Variants in SERPINB7 observed in about 807,000 individuals in gnomAD.
The protein encoded by SERPINB7 is serpin B7.
In SERPINB7, 31 loss-of-function variants were observed where a neutral mutation model predicts 37.4. The observed-to-expected ratio is 0.83, with a 90% confidence interval of 0.62 to 1.12. The LOEUF is 1.12. Ranked by LOEUF, SERPINB7 falls within the 50% of genes most tolerant of loss-of-function variation. The pLI is 0.00. For missense variants in SERPINB7, 521 were observed against 455.3 expected (o/e 1.14, Z -1.31); for synonymous variants, 163 against 166.1 (o/e 0.98, Z 0.14).
intron 1 of SERPINB7, among the ~76,000 whole-genome samples, chr18:63,766,628 T>G (rs751776869): frequency 3.3e-5 from 5 of 152,114 alleles, no homozygotes; most frequent in Admixed American, 6.6e-5. Flanking sequence ...GAAATTGTCT[T>G]TCTCTTTCTC....
chr18:63,786,129 G>GTATATATGTATA lies in SERPINB7; in HGVS notation c.168+3595_168+3596insTGTATATATATA, dbSNP rs1568209419. On this transcript the variant is annotated intron_variant, in intron 2 of 7. Transcript: ENST00000398019. ...TATATGTATATATGTATATATATACGTATATACATATATACACACACACAC... is the reference window on the plus strand; with the variant it reads ...TATATGTATATATGTATATATATACGTATATATGTATATATATACATATATACACACACACAC... 3.5e-4 allele frequency among the ~76,000 whole-genome samples: 38 copies of GTATATATGTATA among 109,722 alleles called. 5 individuals carry two copies. The highest frequency in any genetic ancestry group is 1.4e-3 in the African/African-American group (37 of 27,102). The allele number at this position is 109,722 out of a possible 152,430, so 72.0% of individuals were successfully genotyped here. A position where few individuals can be genotyped will look rare whatever the true frequency, so the allele number is the denominator to read the frequency against.
chr18:63,766,167 A>G (rs1196366416), intron 1 of SERPINB7, among the ~76,000 whole-genome samples: 2 of 152,010 alleles, frequency 1.3e-5, no homozygotes, highest in Admixed American at 6.6e-5. Flanking sequence ...TTGCATGACT[A>G]TTTGTCAGAA....
intron 7 of SERPINB7, 46 bp downstream of exon 7, chr18:63,801,058 G>T: frequency 6.3e-7 from 1 of 1,587,890 alleles, no homozygotes; most frequent in Non-Finnish European, 8.6e-7. Flanking sequence ...AAGACTTTTA[G>T]GATACTGTTG....
At position 63,796,383 on chromosome 18, in the gene SERPINB7, GGTGA is replaced by G; in HGVS notation, c.454+3_454+6del. ...TAAGTGGGTTGAAAATGAAACACAT[GGTGA>G]GTATTGAAATACCCTATTTTTCTAC... On this transcript the variant is annotated splice_donor_variant and splice_donor_region_variant and intron_variant, in intron 5 of 7. Transcript: ENST00000398019. LOFTEE classifies it high-confidence loss of function. 6.7e-7 allele frequency: 1 copy of G among 1,491,928 alleles called. No individual in the cohort carries two copies. Among genetic ancestry groups the G allele is most frequent in the Non-Finnish European group, 9.3e-7 (1 of 1,069,742 alleles). 92.4% of individuals were successfully genotyped at this position (1,491,928 alleles called of 1,614,324 possible).
intron 1 of SERPINB7, among the ~76,000 whole-genome samples, chr18:63,776,629 TG>T (rs1328684993): frequency 6.7e-6 from 1 of 149,546 alleles, no homozygotes; most frequent in Non-Finnish European, 1.5e-5. Flanking sequence ...GCATAGTTTT[TG>T]GGTATACTAG....
At chr18:63,794,774 A>G (rs1157450231) in intron 4 of SERPINB7, among the ~76,000 whole-genome samples, 1 of 152,198 alleles carries the variant, frequency 6.6e-6, no homozygotes, top group Non-Finnish European at 1.5e-5. Flanking sequence ...GTGTGGATGG[A>G]AGAATGAATT....
intron 1 of SERPINB7, among the ~76,000 whole-genome samples, chr18:63,755,312 T>C (rs1387646546): frequency 6.6e-6 from 1 of 152,240 alleles, no homozygotes; most frequent in African/African-American, 2.4e-5. Context: ...TTTTCATGGA[T>C]TCTTTTCATT....
At chr18:63,798,889 TGC>T in intron 6 of SERPINB7, 143 bp downstream of exon 6, 2 of 844,974 alleles carry the variant, frequency 2.4e-6, no homozygotes, top group Non-Finnish European at 3.6e-6. Flanking sequence ...TATGGTCAGT[TGC>T]TTTATAAAGC....
At position 63,790,478 on chromosome 18, in the gene SERPINB7, A is replaced by C. The variant is rs2049415646; in HGVS notation, c.169-1915A>C. Among the ~76,000 whole-genome samples the C allele has an allele frequency of 2.0e-5, 3 of 152,246 alleles. No homozygotes were observed. In the South Asian group the frequency reaches 6.2e-4, roughly 32 times the overall value. ...CCTCTATCAGACTAATATGGTCAAA[A>C]TTATGCCTGATACACAAAATATAGT... On this transcript the variant is annotated intron_variant, in intron 2 of 7. Transcript: ENST00000398019.
At chr18:63,777,905 C>A (rs1156240684) in intron 1 of SERPINB7, 1 of 149,912 alleles carries the variant, frequency 6.7e-6, no homozygotes, top group African/African-American at 2.5e-5. Context: ...CACACACACA[C>A]ACACACACAC....
In SERPINB7 at chr18:63,759,415, C is replaced by T. The variant is rs578211562; in HGVS notation, c.-19+6295C>T. Reference sequence around the variant, plus strand: ...ACAAAGGAGCTTAACTGAGAGCACACAGGCCTCTCTGGGTGCATATGTAGG... The same window carrying T: ...ACAAAGGAGCTTAACTGAGAGCACATAGGCCTCTCTGGGTGCATATGTAGG... On this transcript the variant is annotated intron_variant, in intron 1 of 7. Transcript: ENST00000336429. 3.9e-4 allele frequency among the ~76,000 whole-genome samples: 59 copies of T among 152,336 alleles called. 1 individual carries two copies. The highest frequency in any genetic ancestry group is 1.4e-3 in the African/African-American group (58 of 41,580).
intron 2 of SERPINB7, among the ~76,000 whole-genome samples, chr18:63,789,354 C>G (rs1432327684): frequency 6.6e-6 from 1 of 152,046 alleles, no homozygotes; most frequent in African/African-American, 2.4e-5. Context: ...TTTTGGGAGC[C>G]CTGAGAGACA....
chr18:63,788,914 A>G (rs895326310), intron 2 of SERPINB7, among the ~76,000 whole-genome samples: 1 of 152,222 alleles, frequency 6.6e-6, no homozygotes, highest in Admixed American at 6.5e-5. Context: ...CTAGGTTTGC[A>G]TGAGTACACA....
In SERPINB7 at chr18:63,804,522, A is replaced by G; in HGVS notation, c.1030A>G (p.Ile344Val). 1 of 1,613,830 alleles carries G rather than the reference A, an allele frequency of 6.2e-7. No individual in the cohort carries two copies. The highest frequency in any genetic ancestry group is 8.5e-7 in the Non-Finnish European group (1 of 1,179,876). Reference protein sequence around the residue: ...TEATAATGSNIVEKQLPQSTL... With the variant: ...TEATAATGSNVVEKQLPQSTL... Reference sequence around the variant, plus strand: ...GGCTACTGCTGCCACAGGAAGTAATATTGTAGAAAAGCAACTCCCTCAGTC... The same window carrying G: ...GGCTACTGCTGCCACAGGAAGTAATGTTGTAGAAAAGCAACTCCCTCAGTC... The change falls in exon 8 of 8, where the codon ATT becomes GTT. Residue 344 changes from isoleucine (I) to valine (V), a missense_variant. Transcript: ENST00000398019.
chr18:63,769,535 T>C (rs181747759), intron 1 of SERPINB7, among the ~76,000 whole-genome samples: 14 of 152,296 alleles, frequency 9.2e-5, no homozygotes, highest in African/African-American at 2.9e-4. Flanking sequence ...TTTTGTATTA[T>C]GTCCTGGACA....
chr18:63,789,560 G>A (rs765328495), intron 2 of SERPINB7, among the ~76,000 whole-genome samples: 4 of 152,022 alleles, frequency 2.6e-5, no homozygotes, highest in African/African-American at 4.8e-5. Flanking sequence ...CAATGAAGTC[G>A]CAGCTGCAAT....
At chr18:63,794,921 C>T (rs1301618756) in intron 4 of SERPINB7, among the ~76,000 whole-genome samples, 1 of 152,172 alleles carries the variant, frequency 6.6e-6, no homozygotes, top group Non-Finnish European at 1.5e-5. Context: ...TAAACTTTAA[C>T]AGGAAATCCA....
chr18:63,779,996 T>G (rs942269374), intron 1 of SERPINB7, among the ~76,000 whole-genome samples: 1 of 152,254 alleles, frequency 6.6e-6, no homozygotes, highest in East Asian at 1.9e-4. Context: ...AGACCCCCAT[T>G]GGCCCGTGCA....
chr18:63,787,926 T>C (rs2049389259), intron 2 of SERPINB7, among the ~76,000 whole-genome samples: 1 of 152,334 alleles, frequency 6.6e-6, no homozygotes, highest in Admixed American at 6.5e-5. Context: ...GTTGCAGCCA[T>C]CATAATATCA....
Sources: allele counts gnomAD v4.1 joint callset (sites outside exome capture counted in the v4.1 genomes callset), GRCh38; gene constraint gnomAD v4.1.1; transcripts MANE v1.5; gene names NCBI Gene and HGNC (gene_info 2026-07-23, HGNC 2026-07-21).